MYBPC1: variants seen among roughly 807,000 people sequenced by gnomAD.
The protein encoded by MYBPC1 is myosin binding protein C1.
Under a neutral mutation model 147.1 loss-of-function variants are expected in MYBPC1, and 52 were observed. The ratio of observed to expected loss-of-function variants is 0.35; its 90% CI spans 0.28 to 0.45. The LOEUF (loss-of-function observed/expected upper bound fraction) is 0.45, where lower values mean the gene tolerates loss of function less well. MYBPC1 is among the 20% of genes least tolerant of loss of function. The pLI is 1.00. For synonymous variants in MYBPC1, 477 were observed against 475.9 expected (o/e 1.00, Z -0.03); for missense variants, 1,228 against 1,440.3 (o/e 0.85, Z 2.39).
chr12:101,680,210 G>A, intron 28 of MYBPC1, 133 bp from the exon 29 acceptor site: 1 of 865,842 alleles, frequency 1.2e-6, no homozygotes, highest in Non-Finnish European at 1.9e-6. Context: ...ATAGTGTCAA[G>A]TAAAAGTCTA....
At chr12:101,670,663 C>T (rs1041149102) in intron 24 of MYBPC1, among the ~76,000 whole-genome samples, 3 of 152,070 alleles carry the variant, frequency 2.0e-5, no homozygotes, top group Admixed American at 6.5e-5. Flanking sequence ...TGAAGCTCAG[C>T]GACTATGGTG....
intron 26 of MYBPC1, among the ~76,000 whole-genome samples, chr12:101,676,982 G>A (rs2136790458): frequency 6.6e-6 from 1 of 152,248 alleles, no homozygotes; most frequent in South Asian, 2.1e-4. Context: ...ATGGCAACTA[G>A]GGTATATGAA....
intron 3 of MYBPC1, among the ~76,000 whole-genome samples, chr12:101,617,865 T>C (rs1454398336): frequency 1.3e-5 from 2 of 152,216 alleles, no homozygotes; most frequent in East Asian, 3.8e-4. Flanking sequence ...TGTTACTCCA[T>C]GAAATGCTAA....
At chr12:101,596,142 C>A (rs181943627) in intron 1 of MYBPC1, among the ~76,000 whole-genome samples, 91 of 152,210 alleles carry the variant, frequency 6.0e-4, no homozygotes, top group African/African-American at 2.0e-3. Flanking sequence ...TTTTAAGGAA[C>A]CTTGAAAAAG....
chr12:101,644,114 G>A (rs1379349326), intron 11 of MYBPC1, among the ~76,000 whole-genome samples: 2 of 152,148 alleles, frequency 1.3e-5, no homozygotes, highest in African/African-American at 2.4e-5. Flanking sequence ...TCAGCTCACT[G>A]CAACCTCTGC....
At chr12:101,668,422 C>T (rs1897892134) in intron 23 of MYBPC1, among the ~76,000 whole-genome samples, 2 of 152,134 alleles carry the variant, frequency 1.3e-5, no homozygotes, top group Admixed American at 1.3e-4. Flanking sequence ...CCACCATGCA[C>T]TCAACAGATG....
chr12:101,675,957 G>C (rs535975410), intron 26 of MYBPC1, among the ~76,000 whole-genome samples: 1 of 152,238 alleles, frequency 6.6e-6, no homozygotes, highest in Non-Finnish European at 1.5e-5. Flanking sequence ...AATGCGGAAA[G>C]GTCTGGAGAA....
chr12:101,630,743 T>A (rs1889719481), intron 6 of MYBPC1, among the ~76,000 whole-genome samples: 1 of 151,918 alleles, frequency 6.6e-6, no homozygotes, highest in South Asian at 2.1e-4. Context: ...GAGAAAAAAA[T>A]AAACAAATAA....
At chr12:101,671,155 C>T (rs894629161) in intron 24 of MYBPC1, among the ~76,000 whole-genome samples, 3 of 152,116 alleles carry the variant, frequency 2.0e-5, no homozygotes, top group Admixed American at 1.3e-4. Flanking sequence ...GCACTTGAAA[C>T]GTGTAACTAG....
rs372056519 is a variant in MYBPC1, at chr12:101,621,034, A to T, written c.103+3791A>T. Among the ~76,000 whole-genome samples the T allele has an allele frequency of 2.0e-4, 31 of 152,286 alleles. 1 individual carries two copies. The East Asian group carries it at 4.4e-3, about 22-fold the overall frequency. ...AGGAAGTGAGTCAGCAGAAGTTCCAACCTGAATTATGTGATTTTGTTTTAA... is the reference window on the plus strand; with the variant it reads ...AGGAAGTGAGTCAGCAGAAGTTCCATCCTGAATTATGTGATTTTGTTTTAA... On this transcript the variant is annotated intron_variant, in intron 3 of 31. Coordinates refer to ENST00000361466, the MANE Select transcript of MYBPC1 (RefSeq NM_002465.4).
intron 3 of MYBPC1, among the ~76,000 whole-genome samples, chr12:101,621,547 C>T (rs1887396269): frequency 6.6e-6 from 1 of 152,132 alleles, no homozygotes; most frequent in African/African-American, 2.4e-5. Context: ...CAACTGATTA[C>T]TCTGCTTGAG....
At chr12:101,674,474 G>T (rs1161696647) in intron 25 of MYBPC1, among the ~76,000 whole-genome samples, 1 of 152,072 alleles carries the variant, frequency 6.6e-6, no homozygotes, top group African/African-American at 2.4e-5. Flanking sequence ...AATAAATAAG[G>T]TTAGTTCTTA....
intron 8 of MYBPC1, among the ~76,000 whole-genome samples, chr12:101,633,107 C>T (rs1890241410): frequency 6.6e-6 from 1 of 152,198 alleles, no homozygotes; most frequent in African/African-American, 2.4e-5. Context: ...CTTCTCTCTA[C>T]AACATGCTAC....
In MYBPC1 at chr12:101,647,938, A is replaced by G. The variant is rs536017915; in HGVS notation, c.1091-107A>G. The G allele has an allele frequency of 1.6e-5, 14 of 862,520 alleles. No homozygotes were observed. The South Asian group carries it at 1.8e-4, about 11-fold the overall frequency. The allele number at this position is 862,520 out of a possible 1,614,324, so 53.4% of individuals were successfully genotyped here. ...ACTTACTGTTATCACCATGTCAACC[A>G]TAGATGTTGCTTTCTCACTGTTGGT... On this transcript the variant is annotated intron_variant, in intron 13 of 31. Transcript: ENST00000361466.
chr12:101,686,893 G>A (rs766994999), downstream of MYBPC1, among the ~76,000 whole-genome samples: 24 of 152,074 alleles, frequency 1.6e-4, no homozygotes, highest in Non-Finnish European at 3.5e-4. Context: ...AACTATGTTG[G>A]CTCTATATAT....
intron 30 of MYBPC1, 37 bp from the exon 31 acceptor site, chr12:101,684,345 C>T (rs377484332): frequency 1.4e-5 from 22 of 1,519,878 alleles, no homozygotes; most frequent in East Asian, 6.8e-5. Flanking sequence ...TTAATGCTTA[C>T]GACTTCTCTC....
chr12:101,610,796 C>T (rs1884000081), intron 1 of MYBPC1, among the ~76,000 whole-genome samples: 1 of 152,138 alleles, frequency 6.6e-6, no homozygotes, highest in Non-Finnish European at 1.5e-5. Context: ...CTGAGAAGTC[C>T]ACCAGTCCTC....
At chr12:101,659,645 G>T in intron 18 of MYBPC1, 27 bp from the exon 19 acceptor site, 1 of 1,613,696 alleles carries the variant, frequency 6.2e-7, no homozygotes, top group Non-Finnish European at 8.5e-7. Context: ...TGTAAATCAT[G>T]CCACATTTTG....
chr12:101,626,747 G>C, intron 3 of MYBPC1, 125 bp from the exon 4 acceptor site: 1 of 844,728 alleles, frequency 1.2e-6, no homozygotes, highest in Non-Finnish European at 2.0e-6. Context: ...AGTTTTCTAA[G>C]GCTTGCTCAG....
Sources: allele counts gnomAD v4.1 joint callset (sites outside exome capture counted in the v4.1 genomes callset), GRCh38; gene constraint gnomAD v4.1.1; transcripts MANE v1.5; gene names NCBI Gene and HGNC (gene_info 2026-07-23, HGNC 2026-07-21).